The following ELFN1 variants were observed in gnomAD, a reference collection of about 807,000 sequenced individuals.
The protein encoded by ELFN1 is protein ELFN1.
ELFN1 carries 6 observed loss-of-function variants against 7.6 expected under a neutral mutation model. That is an observed-to-expected ratio of 0.79 (90% confidence interval 0.43 to 1.56). The LOEUF is 1.56. ELFN1 is among the 40% of genes most tolerant of loss of function. The pLI is 0.01. For missense variants in ELFN1, 1,169 were observed against 1,232.2 expected, an observed-to-expected ratio of 0.95 and a Z score of 0.77; for synonymous variants, 657 against 588.1, an observed-to-expected ratio of 1.12 and a Z score of -1.70.
At chr7:1,730,624 C>A (rs772345301) in intron 3 of ELFN1, among the ~76,000 whole-genome samples, 2 of 152,170 alleles carry the variant, frequency 1.3e-5, no homozygotes, top group Non-Finnish European at 2.9e-5. Context: ...AAATCCAGTG[C>A]CAATTTCGGA....
In ELFN1 at chr7:1,744,604, G is replaced by A. The variant is rs1373844945; in HGVS notation, c.8G>A (p.Gly3Glu). The A allele has an allele frequency of 6.6e-7, 1 of 1,526,698 alleles. No individual in the cohort carries two copies. The highest frequency in any genetic ancestry group is 8.8e-7 in the Non-Finnish European group (1 of 1,137,084). 94.6% of individuals were successfully genotyped at this position (1,526,698 alleles called of 1,614,324 possible). Residue 3 changes from glycine (G) to glutamate (E), a missense_variant, in exon 4 of 4, where the codon GGG (glycine) becomes GAG (glutamate). Transcript: ENST00000424383. ...CCCTGCAGGGCGGTCCCGATGGCCG[G>A]GCGTGGGTGGGGCGCGCTGTGGGTG... MA[G>E]RGWGALWVCV... is the part of the protein sequence containing the mutation.
intron 1 of ELFN1, among the ~76,000 whole-genome samples, chr7:1,681,530 T>C (rs528599316): frequency 6.6e-6 from 1 of 152,204 alleles, no homozygotes; most frequent in Admixed American, 6.5e-5. Context: ...GCCCAGCTGA[T>C]TTTTGTATTT....
chr7:1,711,575 TGAGAGAGA>T (rs55658122), intron 3 of ELFN1, among the ~76,000 whole-genome samples: 21,355 of 87,904 alleles, frequency 0.24, 963 homozygotes, highest in Middle Eastern at 0.37. Flanking sequence ...AGCGAGAGAG[TGAGAGAGA>T]GAGAGAGAGA....
chr7:1,699,191 A>T (rs1322501070), intron 2 of ELFN1, among the ~76,000 whole-genome samples: 1 of 152,148 alleles, frequency 6.6e-6, no homozygotes, highest in Non-Finnish European at 1.5e-5. Context: ...TTCTCTGCTG[A>T]TGGCCTTTCA....
In ELFN1 at chr7:1,745,385, A is replaced by G; in HGVS notation, c.789A>G (p.Pro263=). 1 of 1,538,886 alleles carries G rather than the reference A, an allele frequency of 6.5e-7. No individual in the cohort carries two copies. The change falls in exon 4 of 4, where the codon CCA becomes CCG. Residue 263 remains proline (P), a synonymous_variant. Transcript: ENST00000424383. ...DSYAAEVVGP[P]RPASGRSQPG... ...ACGCGGCTGAGGTGGTCGGGCCCCC[A>G]CGTCCAGCATCCGGGCGCTCACAGC...
chr7:1,706,845 T>A (rs957688157), intron 2 of ELFN1, among the ~76,000 whole-genome samples: 7 of 152,160 alleles, frequency 4.6e-5, no homozygotes, highest in Non-Finnish European at 8.8e-5. Flanking sequence ...GGCAGGATGT[T>A]GGGTTAAAGC....
chr7:1,710,288 G>C (rs958336360), intron 3 of ELFN1, among the ~76,000 whole-genome samples: 4 of 152,334 alleles, frequency 2.6e-5, no homozygotes, highest in African/African-American at 7.2e-5. Flanking sequence ...CAGACAATCT[G>C]TCTAGAACCT....
At chr7:1,721,484 C>T (rs780854964) in intron 3 of ELFN1, among the ~76,000 whole-genome samples, 1 of 152,234 alleles carries the variant, frequency 6.6e-6, no homozygotes, top group Non-Finnish European at 1.5e-5. Context: ...CATGCCCTAG[C>T]GTGGCGTCTG....
intron 2 of ELFN1, among the ~76,000 whole-genome samples, chr7:1,696,160 C>CAG (rs146254859): frequency 0.026 from 3,847 of 147,766 alleles, 150 homozygotes; most frequent in African/African-American, 0.089. Context: ...CCTCCCAAGA[C>CAG]AGAGAGAGAG....
At position 1,743,668 on chromosome 7, in the gene ELFN1, G is replaced by T. The variant is rs143027445; in HGVS notation, c.-293-636G>T. 4.8e-3 allele frequency among the ~76,000 whole-genome samples: 734 copies of T among 152,302 alleles called. 5 individuals are homozygous for T. The highest frequency in any genetic ancestry group is 0.017 in the African/African-American group (711 of 41,560). On this transcript the variant is annotated intron_variant, in intron 3 of 3. Coordinates refer to ENST00000424383, the MANE Select transcript of ELFN1 (RefSeq NM_001128636.4). ...AATACCTCCCGGTGCCTCCCTCCCAGAGGGCTGGAGAGGAGCCCGCGCCCC... is the reference window on the plus strand; with the variant it reads ...AATACCTCCCGGTGCCTCCCTCCCATAGGGCTGGAGAGGAGCCCGCGCCCC...
intron 3 of ELFN1, among the ~76,000 whole-genome samples, chr7:1,721,044 T>C (rs1780006329): frequency 6.6e-6 from 1 of 152,342 alleles, no homozygotes; most frequent in African/African-American, 2.4e-5. Flanking sequence ...ATGTGTTTAA[T>C]AACATGTTTA....
intron 3 of ELFN1, 27 bp downstream of exon 3, chr7:1,709,279 T>C (rs1379162137): frequency 6.6e-6 from 1 of 152,192 alleles, no homozygotes; most frequent in East Asian, 1.9e-4. Context: ...TTCCTCATGC[T>C]CTCCGCAGGG....
intron 3 of ELFN1, among the ~76,000 whole-genome samples, chr7:1,712,102 G>A (rs980560160): frequency 6.6e-6 from 1 of 152,224 alleles, no homozygotes; most frequent in Non-Finnish European, 1.5e-5. Flanking sequence ...CAGCAGCTAC[G>A]GGCCTTCCCT....
intron 3 of ELFN1, among the ~76,000 whole-genome samples, chr7:1,725,837 A>G (rs1271211575): frequency 1.3e-5 from 2 of 152,018 alleles, no homozygotes; most frequent in Non-Finnish European, 2.9e-5. Flanking sequence ...TCAGACACAC[A>G]TAATACACAC....
chr7:1,744,475 A>C lies in ELFN1; in HGVS notation c.-122A>C. The C allele has an allele frequency of 8.5e-7, 1 of 1,182,896 alleles. No individual in the cohort carries two copies. The highest frequency in any genetic ancestry group is 1.7e-5 in the South Asian group (1 of 60,224). 73.3% of individuals were successfully genotyped at this position (1,182,896 alleles called of 1,614,324 possible). A position where few individuals can be genotyped will look rare whatever the true frequency, so the allele number is the denominator to read the frequency against. ...GCGCGGCCATGCGGTTTGGGACAGG[A>C]CACCCCTGAGAGTGCAGGCACCTCC... On this transcript the variant is annotated 5_prime_UTR_variant, in exon 4 of 4. Coordinates refer to ENST00000424383, the MANE Select transcript of ELFN1 (RefSeq NM_001128636.4).
intron 2 of ELFN1, chr7:1,694,428 A>G (rs1388714104): frequency 1.3e-5 from 2 of 154,494 alleles, no homozygotes; most frequent in African/African-American, 4.8e-5. Context: ...AACGGCAGTG[A>G]TGTCACAAAG....
chr7:1,728,349 T>G (rs1167149420), intron 3 of ELFN1, among the ~76,000 whole-genome samples: 1 of 152,258 alleles, frequency 6.6e-6, no homozygotes, highest in Non-Finnish European at 1.5e-5. Context: ...ACCAACCGCA[T>G]TCTGCGGCCT....
chr7:1,742,287 C>T (rs1014827362), intron 3 of ELFN1: 4 of 152,306 alleles, frequency 2.6e-5, no homozygotes, highest in Non-Finnish European at 5.9e-5. Context: ...CTACACGCTT[C>T]CTGTGCGGCC....
At position 1,746,754 on chromosome 7, in the gene ELFN1, G is replaced by C. The variant is rs1780813074; in HGVS notation, c.2158G>C (p.Gly720Arg). 1 of 1,499,780 alleles carries C rather than the reference G, an allele frequency of 6.7e-7. No homozygotes were observed. 92.9% of individuals were successfully genotyped at this position (1,499,780 alleles called of 1,614,324 possible). A position where few individuals can be genotyped will look rare whatever the true frequency, so the allele number is the denominator to read the frequency against. Residue 720 changes from glycine (G) to arginine (R), a missense_variant, in exon 4 of 4, where the codon GGG becomes CGG. Transcript: ENST00000424383. ...CCCGGCCGAGCCACCTGCGCCCCCC[G>C]GGCCACCGCCGCCGCCTCCGCACGA... ...SHPAEPPAPP[G>R]PPPPPPHEGL...
Sources: gnomAD v4.1 joint callset for allele counts (sites outside exome capture counted in the v4.1 genomes callset) on GRCh38, gnomAD v4.1.1 for gene constraint, MANE v1.5 for transcripts, NCBI Gene and HGNC (gene_info 2026-07-23, HGNC 2026-07-21) for gene names.